The following RSL1D1 variants were observed in gnomAD, a reference collection of about 807,000 sequenced individuals.
The protein encoded by RSL1D1 is ribosomal L1 domain-containing protein 1.
In RSL1D1, 34 loss-of-function variants were observed where a neutral mutation model predicts 44.6. That is an observed-to-expected ratio of 0.76 (90% confidence interval 0.58 to 1.02). The LOEUF (loss-of-function observed/expected upper bound fraction) is 1.02. Ranked by LOEUF, RSL1D1 falls within the 50% of genes least tolerant of loss-of-function variation. The pLI is 0.00. For missense variants in RSL1D1, 767 were observed against 568.1 expected (o/e 1.35, Z -3.56); for synonymous variants, 271 against 207.4 (o/e 1.31, Z -2.63).
In RSL1D1 at chr16:11,837,837, G is replaced by A; in HGVS notation, c.1423C>T (p.His475Tyr). The change falls in exon 9 of 9, where the codon CAC becomes TAC. Residue 475 changes from histidine to tyrosine, a missense_variant. Coordinates refer to ENST00000571133, the MANE Select transcript of RSL1D1 (RefSeq NM_015659.3). ...TPSKSVRKAS[H>Y]TPKKWPKKPK... The stretch of plus-strand genomic sequence containing the variant: ...TTTTTGGGCCATTTTTTGGGGGTGT[G>A]GGAAGCTTTTCTCACAGATTTACTA... 1.9e-6 allele frequency: 3 copies of A among 1,613,388 alleles called. No individual in the cohort carries two copies. Among genetic ancestry groups the A allele is most frequent in the Non-Finnish European group, 2.5e-6 (3 of 1,179,690 alleles).
rs776874104 is a variant in RSL1D1 at position 11,837,966 on chromosome 16, GCTT to G, written c.1291_1293del (p.Lys431del). 6.8e-5 allele frequency: 109 copies of G among 1,613,768 alleles called. No individual in the cohort carries two copies. In the South Asian group the frequency reaches 1.1e-3, roughly 17 times the overall value. The stretch of plus-strand genomic sequence containing the variant: ...TTCACTGCCTCTTCTTTGATTTTTG[GCTT>G]CTTCTCTGGGCTTTTCCCTGGGGTC... On this transcript the variant is annotated inframe_deletion, in exon 9 of 9. Transcript: ENST00000571133.
In RSL1D1 at chr16:11,841,678, T is replaced by C. The variant is rs2141251575; in HGVS notation, c.855+17A>G. ...CCCTTCATTATTCATTCTGTAAGTATTTAAAATTCTACTAACTTTTTTCTT... is the reference window on the plus strand; with the variant it reads ...CCCTTCATTATTCATTCTGTAAGTACTTAAAATTCTACTAACTTTTTTCTT... On this transcript the variant is annotated intron_variant, in intron 7 of 8. Transcript: ENST00000571133. The C allele has an allele frequency of 1.2e-6, 2 of 1,604,418 alleles. No homozygotes were observed. Among genetic ancestry groups the C allele is most frequent in the South Asian group, 2.2e-5 (2 of 89,790 alleles).
intron 5 of RSL1D1, among the ~76,000 whole-genome samples, chr16:11,845,063 G>C (rs1160108028): frequency 6.6e-6 from 1 of 152,126 alleles, no homozygotes; most frequent in East Asian, 1.9e-4. Flanking sequence ...ACACCAAATA[G>C]GCAGATGAAC....
rs1286328456 is a variant in RSL1D1, at chr16:11,836,603, A to G, written c.*1184T>C. ...AGCAAATCCATATGGACTGAGGAAT[A>G]AGGAGGAAGAGGATAAGGCTTATGG... On this transcript the variant is annotated 3_prime_UTR_variant, in exon 9 of 9. Transcript: ENST00000571133. 1 of 152,216 alleles carries G rather than the reference A, an allele frequency of 6.6e-6. No individual in the cohort carries two copies. Among genetic ancestry groups the G allele is most frequent in the South Asian group, 2.1e-4 (1 of 4,824 alleles). 9.4% of individuals were successfully genotyped at this position (152,216 alleles called of 1,614,324 possible).
chr16:11,848,560 A>G (rs1380750907), intron 2 of RSL1D1, among the ~76,000 whole-genome samples: 1 of 152,164 alleles, frequency 6.6e-6, no homozygotes, highest in East Asian at 1.9e-4. Flanking sequence ...GGTTTTGCTC[A>G]GTACCCAAGG....
rs749840142 is a variant in RSL1D1 at position 11,851,494 on chromosome 16, C to G, written c.19G>C (p.Ala7Pro). ...GTAGCGGCTGCAGAAGACAGCGAGG[C>G]CGAGGCCGAATCCTCCATCTTGTTT... MEDSAS[A>P]SLSSAAATGT... is the part of the protein sequence containing the mutation. Residue 7 changes from alanine (A) to proline (P), a missense_variant, in exon 1 of 9, where the codon GCC becomes CCC. Physicochemically the swap from Ala to Pro is conservative, Grantham distance 27 (BLOSUM62 -1). Transcript: ENST00000571133. The G allele has an allele frequency of 1.2e-6, 2 of 1,613,896 alleles. No homozygotes were observed. The highest frequency in any genetic ancestry group is 3.3e-5 in the Admixed American group (2 of 60,024).
At chr16:11,843,250 T>C (rs147174968) in intron 5 of RSL1D1, among the ~76,000 whole-genome samples, 9,444 of 151,590 alleles carry the variant, frequency 0.062, 368 homozygotes, top group South Asian at 0.16. Flanking sequence ...TGTGTATTTT[T>C]AGTAGAGATG....
At chr16:11,847,594 C>G (rs2053807991) in intron 3 of RSL1D1, 74 bp downstream of exon 3, 2 of 1,185,530 alleles carry the variant, frequency 1.7e-6, no homozygotes, top group Non-Finnish European at 2.4e-6. Flanking sequence ...GGAAATATAG[C>G]AATGTATTTG....
In RSL1D1 at chr16:11,837,796, C is replaced by G. The variant is rs1033911856; in HGVS notation, c.1464G>C (p.Gln488His). The G allele has an allele frequency of 1.2e-6, 2 of 1,606,316 alleles. No individual in the cohort carries two copies. The highest frequency in any genetic ancestry group is 1.7e-6 in the Non-Finnish European group (2 of 1,176,622). Residue 488 changes from glutamine (Q) to histidine (H), a missense_variant, in exon 9 of 9, where the codon CAG (glutamine) becomes CAC (histidine). Physicochemically the swap from Gln to His is conservative, Grantham distance 24 (BLOSUM62 0). Coordinates refer to ENST00000571133, the MANE Select transcript of RSL1D1 (RefSeq NM_015659.3). The part of the protein sequence containing the change: ...KKWPKKPKVP[Q>H]ST ...AGTTGAATCACTGACTTTAGGTCGA[C>G]TGGGGTACTTTGGGTTTTTTGGGCC...
rs1486965669 is a variant in RSL1D1 at position 11,835,934 on chromosome 16, G to A, written c.*1853C>T. On this transcript the variant is annotated 3_prime_UTR_variant, in exon 9 of 9. Coordinates refer to ENST00000571133, the MANE Select transcript of RSL1D1 (RefSeq NM_015659.3). Reference sequence around the variant, plus strand: ...CTGACGCACCATAATCTAAGCCCAGGGCATAAAATCCCTCGTGGCTTGGAT... The same window carrying A: ...CTGACGCACCATAATCTAAGCCCAGAGCATAAAATCCCTCGTGGCTTGGAT... The A allele has an allele frequency of 6.6e-6, 1 of 152,106 alleles. No individual in the cohort carries two copies. Among genetic ancestry groups the A allele is most frequent in the African/African-American group, 2.4e-5 (1 of 41,420 alleles). 9.4% of individuals were successfully genotyped at this position (152,106 alleles called of 1,614,324 possible).
At chr16:11,849,575 C>T (rs1323778202) in intron 2 of RSL1D1, among the ~76,000 whole-genome samples, 2 of 152,078 alleles carry the variant, frequency 1.3e-5, no homozygotes, top group Non-Finnish European at 2.9e-5. Flanking sequence ...ATTTCTTTTC[C>T]ATAGACAGAA....
intron 8 of RSL1D1, among the ~76,000 whole-genome samples, chr16:11,838,868 AC>A (rs200340370): frequency 0.031 from 4,523 of 146,860 alleles, 146 homozygotes; most frequent in Non-Finnish European, 0.05. Flanking sequence ...AAAAAAAAAA[AC>A]AAAAAAAAAC....
chr16:11,840,920 C>G (rs2053760423), intron 7 of RSL1D1, among the ~76,000 whole-genome samples: 1 of 152,184 alleles, frequency 6.6e-6, no homozygotes, highest in Admixed American at 6.5e-5. Flanking sequence ...TAAACTCCAG[C>G]CACCTACAAC....
chr16:11,842,193 G>A (rs570733602), intron 5 of RSL1D1, among the ~76,000 whole-genome samples, 193 bp from the exon 6 acceptor site: 2 of 152,126 alleles, frequency 1.3e-5, no homozygotes, highest in African/African-American at 4.8e-5. Flanking sequence ...TGGGCATGGT[G>A]GTACATGCCT....
In RSL1D1 at chr16:11,834,100, G is replaced by A. The variant is rs1457760714; in HGVS notation, c.*3687C>T. On this transcript the variant is annotated 3_prime_UTR_variant, in exon 9 of 9. Transcript: ENST00000571133. ...AGATTTCGCCCTCCTCTTGGCCCCC[G>A]GGGGAGACTACTGTTGGCTCCTAGC... The A allele has an allele frequency of 6.6e-6, 1 of 152,052 alleles. No homozygotes were observed. Among genetic ancestry groups the A allele is most frequent in the Non-Finnish European group, 1.5e-5 (1 of 68,040 alleles). 9.4% of individuals were successfully genotyped at this position (152,052 alleles called of 1,614,324 possible). A position where few individuals can be genotyped will look rare whatever the true frequency, so the allele number is the denominator to read the frequency against.
intron 5 of RSL1D1, 94 bp downstream of exon 5, chr16:11,846,406 AC>A (rs895991299): frequency 8.1e-6 from 6 of 737,960 alleles, no homozygotes; most frequent in African/African-American, 7.4e-5. Context: ...AAAAAAAAAA[AC>A]AAAAACAAAA....
rs1358760251 is a variant in RSL1D1 at position 11,835,600 on chromosome 16, C to G, written c.*2187G>C. On this transcript the variant is annotated 3_prime_UTR_variant, in exon 9 of 9. Transcript: ENST00000571133. ...CCTCTACCTCCCGGGTTCAAGCAAT[C>G]CTCCCACCTCAGCCTCCCAAGAAGC... 1.3e-5 allele frequency: 2 copies of G among 152,148 alleles called. No homozygotes were observed. The highest frequency in any genetic ancestry group is 2.4e-5 in the African/African-American group (1 of 41,366). The allele number at this position is 152,148 out of a possible 1,614,324, so 9.4% of individuals were successfully genotyped here.
intron 8 of RSL1D1, among the ~76,000 whole-genome samples, 199 bp downstream of exon 8, chr16:11,839,496 C>A (rs1182067639): frequency 1.4e-5 from 2 of 144,198 alleles, no homozygotes; most frequent in Non-Finnish European, 3.0e-5. Flanking sequence ...GAGTGTAAGA[C>A]CGGTCTGGGC....
rs377471149 is a variant in RSL1D1, at chr16:11,839,916, C to G, written c.925G>C (p.Ala309Pro). The G allele has an allele frequency of 8.1e-6, 13 of 1,613,886 alleles. No homozygotes were observed. The highest frequency in any genetic ancestry group is 1.3e-5 in the African/African-American group (1 of 74,916). The change falls in exon 8 of 9, where the codon GCT becomes CCT. Residue 309 changes from alanine to proline, a missense_variant. Coordinates refer to ENST00000571133, the MANE Select transcript of RSL1D1 (RefSeq NM_015659.3). ...CTAAGAACTGATGCAGTCTTCCTAG[C>G]CTGCTGCCTCTTCTTCTTCCTCTCC... ...QKERKKKRQQARKTASVLSKD... is the reference protein window; with the variant it reads ...QKERKKKRQQPRKTASVLSKD...
Sources: allele counts gnomAD v4.1 joint callset (sites outside exome capture counted in the v4.1 genomes callset), GRCh38; gene constraint gnomAD v4.1.1; transcripts MANE v1.5; gene names NCBI Gene and HGNC (gene_info 2026-07-23, HGNC 2026-07-21).